ANKRD13C: variants seen among roughly 807,000 people sequenced by gnomAD.
ANKRD13C encodes the protein ankyrin repeat domain-containing protein 13C.
ANKRD13C carries 16 observed loss-of-function variants against 65.5 expected under a neutral mutation model. That is an observed-to-expected ratio of 0.24 (90% confidence interval 0.17 to 0.37). The LOEUF is 0.37. Ranked by LOEUF, ANKRD13C falls within the 10% of genes least tolerant of loss-of-function variation. ANKRD13C has a pLI of 1.00. For synonymous variants in ANKRD13C, 235 were observed against 238.7 expected (o/e 0.98, Z 0.14); for missense variants, 503 against 655.9 (o/e 0.77, Z 2.55).
chr1:70,339,172 T>TG (rs1227778787), intron 1 of ANKRD13C, among the ~76,000 whole-genome samples: 1 of 149,182 alleles, frequency 6.7e-6, no homozygotes, highest in Non-Finnish European at 1.5e-5. Context: ...ATGGCGGCAT[T>TG]GCACTCCAGC....
At chr1:70,270,123 C>T (rs143604527) in intron 12 of ANKRD13C, among the ~76,000 whole-genome samples, 9 of 152,142 alleles carry the variant, frequency 5.9e-5, no homozygotes, top group East Asian at 5.8e-4. Flanking sequence ...AAAAATAAAA[C>T]GTATGAGTAT....
intron 9 of ANKRD13C, among the ~76,000 whole-genome samples, chr1:70,286,783 C>T (rs1679640386): frequency 6.6e-6 from 1 of 152,084 alleles, no homozygotes; most frequent in Non-Finnish European, 1.5e-5. Flanking sequence ...GTCAGGAGTT[C>T]TAGACCAGCC....
At chr1:70,277,249 A>C (rs761397186) in intron 9 of ANKRD13C, among the ~76,000 whole-genome samples, 4 of 152,122 alleles carry the variant, frequency 2.6e-5, no homozygotes, top group Non-Finnish European at 5.9e-5. Flanking sequence ...CGAGGTCAGG[A>C]GTTCAAGATC....
intron 12 of ANKRD13C, among the ~76,000 whole-genome samples, chr1:70,268,629 G>C (rs985601199): frequency 9.2e-5 from 14 of 152,296 alleles, no homozygotes; most frequent in African/African-American, 3.4e-4. Context: ...AGTAGTGAGG[G>C]AGGTCCCATT....
chr1:70,264,075 T>A (rs1678500516), intron 12 of ANKRD13C, among the ~76,000 whole-genome samples: 1 of 152,164 alleles, frequency 6.6e-6, no homozygotes, highest in Admixed American at 6.5e-5. Context: ...AATCCAGGGG[T>A]CTGTACACTA....
chr1:70,354,095 G>C lies in ANKRD13C; in HGVS notation c.314C>G (p.Ala105Gly), dbSNP rs1253815055. 1 of 1,612,394 alleles carries C rather than the reference G, an allele frequency of 6.2e-7. No homozygotes were observed. The highest frequency in any genetic ancestry group is 2.2e-5 in the East Asian group (1 of 44,834). The change falls in exon 1 of 13, where the codon GCG becomes GGG. Residue 105 changes from alanine (A) to glycine (G), a missense_variant. Around this residue, in one of 2 missense-constraint regions of ANKRD13C, gnomAD observed 203 missense variants for 177.6 expected, o/e 1.14. Coordinates refer to ENST00000370944, the MANE Select transcript of ANKRD13C (RefSeq NM_030816.5). ...GTGTGCGGGGCAACTGCCTCCATCC[G>C]CGACGACAGCAACGGGGTTGGTGCC... ...LAGTNPVAVV[A>G]DGGSCPAHYP...
At chr1:70,295,005 T>C (rs898638752) in intron 8 of ANKRD13C, among the ~76,000 whole-genome samples, 1 of 152,080 alleles carries the variant, frequency 6.6e-6, no homozygotes, top group African/African-American at 2.4e-5. Flanking sequence ...CTTACTCTTT[T>C]TTTCTTCCTC....
Position 70,261,679 on chromosome 1 carries a change from A to T in ANKRD13C, c.*1038T>A, listed in dbSNP as rs1458952068. ...TTCTGGACTTTAACTTGTAACAAATATATTCTGTTAGCATATAAAATGTTT... is the reference window on the plus strand; with the variant it reads ...TTCTGGACTTTAACTTGTAACAAATTTATTCTGTTAGCATATAAAATGTTT... On this transcript the variant is annotated 3_prime_UTR_variant, in exon 13 of 13. Transcript: ENST00000370944. 6.6e-6 allele frequency: 1 copy of T among 152,572 alleles called. No individual in the cohort carries two copies. Among genetic ancestry groups the T allele is most frequent in the African/African-American group, 2.4e-5 (1 of 41,454 alleles). 9.5% of individuals were successfully genotyped at this position (152,572 alleles called of 1,614,324 possible).
intron 10 of ANKRD13C, 79 bp downstream of exon 10, chr1:70,276,686 C>T (rs936376624): frequency 1.0e-5 from 12 of 1,145,648 alleles, no homozygotes; most frequent in African/African-American, 3.2e-5. Flanking sequence ...ATAATTTACG[C>T]CAAAATATTC....
intron 1 of ANKRD13C, among the ~76,000 whole-genome samples, chr1:70,339,358 C>T (rs1289677032): frequency 1.4e-5 from 2 of 147,350 alleles, no homozygotes; most frequent in Non-Finnish European, 3.0e-5. Context: ...CCTCTTGTCA[C>T]CCAGGCTGGA....
intron 1 of ANKRD13C, among the ~76,000 whole-genome samples, chr1:70,347,857 A>G (rs925744536): frequency 1.3e-5 from 2 of 152,194 alleles, no homozygotes; most frequent in African/African-American, 4.8e-5. Flanking sequence ...TAAGGGGTAT[A>G]ACACACTTTA....
intron 9 of ANKRD13C, among the ~76,000 whole-genome samples, chr1:70,289,223 G>A (rs1211892892): frequency 6.6e-6 from 1 of 152,064 alleles, no homozygotes; most frequent in Non-Finnish European, 1.5e-5. Flanking sequence ...TAGCTATCTG[G>A]CATTAAACTA....
At chr1:70,291,454 T>A (rs999390772) in intron 9 of ANKRD13C, among the ~76,000 whole-genome samples, 2 of 152,200 alleles carry the variant, frequency 1.3e-5, no homozygotes, top group Non-Finnish European at 2.9e-5. Flanking sequence ...AGGAATAAGA[T>A]TTGAGGAGCA....
intron 9 of ANKRD13C, among the ~76,000 whole-genome samples, chr1:70,280,188 T>A (rs78318880): frequency 6.6e-6 from 1 of 152,094 alleles, no homozygotes; most frequent in Non-Finnish European, 1.5e-5. Flanking sequence ...TAAATACTTA[T>A]AATTGAGGGT....
chr1:70,263,855 G>A (rs563313463), intron 12 of ANKRD13C, among the ~76,000 whole-genome samples: 11 of 152,248 alleles, frequency 7.2e-5, no homozygotes, highest in African/African-American at 2.6e-4. Flanking sequence ...TAATTCAAGT[G>A]TCTACCTAGG....
At chr1:70,319,248 T>C (rs1216196374) in intron 3 of ANKRD13C, among the ~76,000 whole-genome samples, 5 of 152,194 alleles carry the variant, frequency 3.3e-5, no homozygotes, top group African/African-American at 1.2e-4. Context: ...GGTCCTTTTA[T>C]CATTACAACT....
chr1:70,317,220 G>A (rs2101486809), intron 3 of ANKRD13C, among the ~76,000 whole-genome samples: 1 of 152,244 alleles, frequency 6.6e-6, no homozygotes, highest in South Asian at 2.1e-4. Flanking sequence ...TACTGAAGGT[G>A]TCTCAAAATA....
intron 3 of ANKRD13C, among the ~76,000 whole-genome samples, chr1:70,322,715 G>A (rs762671535): frequency 3.3e-5 from 5 of 152,072 alleles, no homozygotes; most frequent in Admixed American, 6.6e-5. Context: ...CCTTGAGGCC[G>A]GGCGCAGTGG....
Position 70,286,685 on chromosome 1 carries a change from T to C in ANKRD13C, c.1215+5703A>G, listed in dbSNP as rs183685955. On this transcript the variant is annotated intron_variant, in intron 9 of 12. Coordinates refer to ENST00000370944, the MANE Select transcript of ANKRD13C (RefSeq NM_030816.5). ...CATTTGTAGAAAATCCTAAGTAATATACAAAAGACTACAGAATAGGCCAGG... is the reference window on the plus strand; with the variant it reads ...CATTTGTAGAAAATCCTAAGTAATACACAAAAGACTACAGAATAGGCCAGG... Among the ~76,000 whole-genome samples the C allele has an allele frequency of 3.5e-3, 534 of 152,224 alleles. 6 individuals carry two copies. In the South Asian group the frequency reaches 0.037, roughly 11 times the overall value.
Sources: gnomAD v4.1 joint callset for allele counts (sites outside exome capture counted in the v4.1 genomes callset) on GRCh38, gnomAD v4.1.1 for gene constraint, gnomAD v4.1.1 regional missense constraint, MANE v1.5 for transcripts, NCBI Gene and HGNC (gene_info 2026-07-23, HGNC 2026-07-21) for gene names.